NPAS3: variants seen among roughly 807,000 people sequenced by gnomAD.
The protein encoded by NPAS3 is neuronal PAS domain protein 3.
Under a neutral mutation model 73.1 loss-of-function variants are expected in NPAS3, and 14 were observed. The observed-to-expected ratio is 0.19, with a 90% CI of 0.13 to 0.30. The LOEUF (loss-of-function observed/expected upper bound fraction) is 0.30, where lower values mean the gene tolerates loss of function less well. NPAS3 is among the 10% of genes least tolerant of loss of function. The pLI is 1.00. For synonymous variants in NPAS3, 620 were observed against 541.5 expected (o/e 1.14, Z -2.01); for missense variants, 1,096 against 1,250.0 (o/e 0.88, Z 1.86).
intron 2 of NPAS3, among the ~76,000 whole-genome samples, chr14:33,206,778 T>C (rs2046836930): frequency 6.6e-6 from 1 of 152,188 alleles, no homozygotes; most frequent in Non-Finnish European, 1.5e-5. Context: ...ATTGATATTA[T>C]GAAAAATAGT....
At chr14:33,583,963 G>C (rs1042415299) in intron 5 of NPAS3, among the ~76,000 whole-genome samples, 6 of 152,106 alleles carry the variant, frequency 3.9e-5, no homozygotes, top group Admixed American at 1.3e-4. Flanking sequence ...CAATGAATTT[G>C]GATGAGGGAA....
rs916404899 is a variant in NPAS3, at chr14:33,430,631, A to G, written c.468+63363A>G. ...TTTGCTGACACTTTGATATTATTCT[A>G]GAGACATAAGCCAGGCAACAGAACT... On this transcript the variant is annotated intron_variant, in intron 4 of 11. Transcript: ENST00000356141. Among the ~76,000 whole-genome samples the G allele has an allele frequency of 7.2e-5, 11 of 152,234 alleles. No individual in the cohort carries two copies. In the South Asian group the frequency reaches 1.9e-3, roughly 26 times the overall value.
rs141135486 is a variant in NPAS3, at chr14:33,485,541, C to T, written c.469-74580C>T. Among the ~76,000 whole-genome samples, 9 of 152,198 alleles carry T rather than the reference C, an allele frequency of 5.9e-5. No individual in the cohort carries two copies. In the East Asian group the frequency reaches 1.5e-3, roughly 26 times the overall value. ...CAGACCTCTGGATTTAGAGGTCCCC[C>T]GACTACCCCACCTTCATAGAGAAGA... On this transcript the variant is annotated intron_variant, in intron 4 of 11. Transcript: ENST00000356141.
At chr14:33,700,042 T>A (rs2060486192) in intron 6 of NPAS3, among the ~76,000 whole-genome samples, 1 of 152,180 alleles carries the variant, frequency 6.6e-6, no homozygotes. Context: ...ACTAACTTGT[T>A]CCCTCTGGGG....
chr14:33,056,047 G>GT lies in NPAS3; in HGVS notation c.140+53_140+54insT, dbSNP rs1342203085. On this transcript the variant is annotated intron_variant, in intron 2 of 11. Transcript: ENST00000356141. ...TTCTGGCTCGTACATCAGTGCTTGT[G>GT]GTTGCCAGCTATTCAAAAATATCCT... 39 of 749,800 alleles carry GT rather than the reference G, an allele frequency of 5.2e-5. No homozygotes were observed. The African/African-American group carries it at 6.4e-4, about 12-fold the overall frequency. The allele number at this position is 749,800 out of a possible 1,614,324, so 46.4% of individuals were successfully genotyped here.
chr14:33,735,645 TC>T (rs1391047731), intron 7 of NPAS3, among the ~76,000 whole-genome samples: 2 of 152,092 alleles, frequency 1.3e-5, no homozygotes, highest in Non-Finnish European at 2.9e-5. Context: ...TTCATATCAG[TC>T]CTCAAGACGA....
rs767619631 is a variant in NPAS3, at chr14:33,800,026, G to A, written c.1719G>A (p.Glu573=). ...CGGACCTGCGGCTGCAGAACTGCGA[G>A]TCACTCACGTCCGACAGCGCCAAGG... is the stretch of plus-strand genomic sequence containing the variant. Residue 573 remains glutamate (E), a synonymous_variant, in exon 12 of 12, where the codon GAG becomes GAA. Coordinates refer to ENST00000356141, the Ensembl canonical transcript of NPAS3. The surrounding 1 kb of genome is among the most constrained non-coding windows in gnomAD (Gnocchi z 6.5). The A allele has an allele frequency of 5.6e-6, 9 of 1,610,650 alleles. No individual in the cohort carries two copies. Among genetic ancestry groups the A allele is most frequent in the Non-Finnish European group, 6.8e-6 (8 of 1,179,774 alleles).
At chr14:33,580,793 C>T in intron 5 of NPAS3, among the ~76,000 whole-genome samples, 1 of 151,156 alleles carries the variant, frequency 6.6e-6, no homozygotes, top group South Asian at 2.1e-4. Flanking sequence ...CACCCACCCT[C>T]CACCGCACCC....
chr14:33,035,865 G>T (rs1288481207), intron 1 of NPAS3, among the ~76,000 whole-genome samples: 1 of 152,108 alleles, frequency 6.6e-6, no homozygotes. Flanking sequence ...GTGCTCTTTG[G>T]TCATTTCCTA....
At chr14:33,044,401 G>T (rs941737229) in intron 1 of NPAS3, among the ~76,000 whole-genome samples, 1 of 152,150 alleles carries the variant, frequency 6.6e-6, no homozygotes, top group Admixed American at 6.6e-5. Flanking sequence ...AGACACAAAG[G>T]CCATGCCTCT....
intron 4 of NPAS3, among the ~76,000 whole-genome samples, chr14:33,491,243 GTTTTT>G (rs555719395): frequency 1.6e-3 from 241 of 147,308 alleles, no homozygotes; most frequent in African/African-American, 4.6e-3. Flanking sequence ...AACATTTAAA[GTTTTT>G]TTTTTTTCTC....
chr14:33,193,868 C>G (rs1163323994), intron 2 of NPAS3, among the ~76,000 whole-genome samples: 4 of 151,952 alleles, frequency 2.6e-5, no homozygotes, highest in African/African-American at 9.7e-5. Flanking sequence ...TTTTTTGTTT[C>G]ATTTCTTTTG....
At position 33,662,511 on chromosome 14, in the gene NPAS3, T is replaced by C. The variant is rs564511430; in HGVS notation, c.559-13700T>C. 2.5e-3 allele frequency among the ~76,000 whole-genome samples: 378 copies of C among 152,338 alleles called. 4 individuals are homozygous for C. The highest frequency in any genetic ancestry group is 0.024 in the Middle Eastern group (7 of 294). ...AAAGTCAATGGTAGCTTGATGGGGA[T>C]AGCATTGAATCTATAAATTACCTTG... On this transcript the variant is annotated intron_variant, in intron 5 of 11. Coordinates refer to ENST00000356141, the Ensembl canonical transcript of NPAS3.
At chr14:33,055,609 T>C (rs542653703) in intron 1 of NPAS3, among the ~76,000 whole-genome samples, 2 of 152,116 alleles carry the variant, frequency 1.3e-5, no homozygotes, top group African/African-American at 4.8e-5. Context: ...AATTGAAGAG[T>C]GAGTTAAGGT....
At chr14:33,065,736 G>A (rs1193240310) in intron 2 of NPAS3, among the ~76,000 whole-genome samples, 1 of 151,852 alleles carries the variant, frequency 6.6e-6, no homozygotes, top group African/African-American at 2.4e-5. Context: ...TGTTACCAAT[G>A]AGAAGAGGCC....
intron 2 of NPAS3, among the ~76,000 whole-genome samples, chr14:33,187,851 T>C (rs1055807501): frequency 3.3e-5 from 5 of 152,236 alleles, no homozygotes; most frequent in Admixed American, 2.6e-4. Flanking sequence ...CTATATATGA[T>C]GGATGTTGTT....
At chr14:32,947,516 A>G (rs898716249) in intron 1 of NPAS3, among the ~76,000 whole-genome samples, 8 of 152,180 alleles carry the variant, frequency 5.3e-5, no homozygotes, top group South Asian at 2.1e-4. Flanking sequence ...CTATTCAGGT[A>G]TATGAATTTT....
chr14:33,699,031 CT>C (rs1181608671), intron 6 of NPAS3, among the ~76,000 whole-genome samples: 2 of 152,126 alleles, frequency 1.3e-5, no homozygotes, highest in African/African-American at 4.8e-5. Flanking sequence ...ACAAGAATCT[CT>C]GCAGGGACAC....
chr14:33,666,180 G>A (rs2059446026), intron 5 of NPAS3, among the ~76,000 whole-genome samples: 1 of 152,132 alleles, frequency 6.6e-6, no homozygotes, highest in Admixed American at 6.5e-5. Flanking sequence ...CAATCACTTA[G>A]TGTTAGTGAG....
Sources: allele counts gnomAD v4.1 joint callset (sites outside exome capture counted in the v4.1 genomes callset), GRCh38; gene constraint gnomAD v4.1.1; non-coding constraint Gnocchi (gnomAD v3.1); transcripts MANE v1.5; gene names NCBI Gene and HGNC (gene_info 2026-07-23, HGNC 2026-07-21).